The following TNKS variants were observed in gnomAD, a reference collection of about 807,000 sequenced individuals.
The protein encoded by TNKS is tankyrase, also known as poly [ADP-ribose] polymerase tankyrase-1.
In TNKS, 72 loss-of-function variants were observed where a neutral mutation model predicts 135.8. The ratio of observed to expected loss-of-function variants is 0.53; its 90% CI spans 0.44 to 0.64. The LOEUF (loss-of-function observed/expected upper bound fraction) is 0.64. Ranked by LOEUF, TNKS falls within the 30% of genes least tolerant of loss-of-function variation. The pLI, the probability that TNKS is intolerant of heterozygous loss-of-function variation, is 0.00. For synonymous variants in TNKS, 849 were observed against 649.3 expected (o/e 1.31, Z -4.68); for missense variants, 1,769 against 1,674.0 (o/e 1.06, Z -0.99).
At chr8:9,586,856 C>T (rs974884341) in intron 2 of TNKS, among the ~76,000 whole-genome samples, 3 of 151,668 alleles carry the variant, frequency 2.0e-5, no homozygotes, top group South Asian at 2.1e-4. Flanking sequence ...GAAGACTTTG[C>T]TCCTCTTAGA....
intron 3 of TNKS, among the ~76,000 whole-genome samples, chr8:9,674,269 A>G (rs574100107): frequency 1.3e-5 from 2 of 152,318 alleles, no homozygotes; most frequent in East Asian, 3.9e-4. Flanking sequence ...TCTGTGAAGC[A>G]TGAAGTGGTT....
chr8:9,629,721 C>T (rs184500177), intron 3 of TNKS, among the ~76,000 whole-genome samples: 128 of 152,324 alleles, frequency 8.4e-4, no homozygotes, highest in African/African-American at 2.8e-3. Flanking sequence ...CTCGCTCTGT[C>T]GCCCAGGCTG....
chr8:9,735,164 C>G, intron 16 of TNKS, 80 bp downstream of exon 16: 1 of 1,414,646 alleles, frequency 7.1e-7, no homozygotes, highest in South Asian at 1.4e-5. Flanking sequence ...GAAAGCCATG[C>G]TGAACACAAA....
chr8:9,717,072 A>ATATATATATATATATAT (rs376229840), intron 11 of TNKS, among the ~76,000 whole-genome samples: 1,678 of 79,306 alleles, frequency 0.021, 254 homozygotes, highest in Non-Finnish European at 0.023. Context: ...GTTGTATTAT[A>ATATATATATATATATAT]ATATATATAT....
At chr8:9,740,823 G>GTTTTTTTTTTTTTTTTTTTTTTTTTT (rs565849400) in intron 17 of TNKS, 2 of 60,496 alleles carry the variant, frequency 3.3e-5, no homozygotes, top group Non-Finnish European at 3.7e-5. Flanking sequence ...TGTAATTCTT[G>GTTTTTTTTTTTTTTTTTTTTTTTTTT]TTGTTTTTTT....
chr8:9,663,741 T>C lies in TNKS; in HGVS notation c.995-16210T>C, dbSNP rs78636926. ...ACTCAGGAAGATATGTTTACCAGTT[T>C]ATTATAAAGGAATTACAAAGGCTGC... On this transcript the variant is annotated intron_variant, in intron 3 of 26. Transcript: ENST00000310430. 4.9e-3 allele frequency among the ~76,000 whole-genome samples: 744 copies of C among 152,280 alleles called. 37 individuals carry two copies. The East Asian group carries it at 0.12, about 24-fold the overall frequency.
At position 9,710,170 on chromosome 8, in the gene TNKS, G is replaced by A. The variant is rs1159327551; in HGVS notation, c.1699G>A (p.Glu567Lys). ...DFMTPLHVAA[E>K]RAHNDVMEVL... ...CATGACTCCCCTGCATGTTGCAGCC[G>A]AAAGAGCCCATAATGATGTCATGGA... The change falls in exon 11 of 27, where the codon GAA becomes AAA. Residue 567 changes from glutamate (E) to lysine (K), a missense_variant. Glu to Lys is a moderately conservative substitution (Grantham distance 56). Around this residue, in one of 5 missense-constraint regions of TNKS, gnomAD observed 523 missense variants for 541.0 expected, o/e 0.97. Coordinates refer to ENST00000310430, the MANE Select transcript of TNKS (RefSeq NM_003747.3). The A allele has an allele frequency of 6.2e-6, 10 of 1,614,138 alleles. No individual in the cohort carries two copies. Among genetic ancestry groups the A allele is most frequent in the East Asian group, 2.2e-5 (1 of 44,886 alleles).
intron 3 of TNKS, among the ~76,000 whole-genome samples, chr8:9,639,799 G>A (rs1800655023): frequency 6.6e-6 from 1 of 152,032 alleles, no homozygotes; most frequent in South Asian, 2.1e-4. Context: ...GAAGCAAAAG[G>A]GCTTCTTTGA....
intron 12 of TNKS, among the ~76,000 whole-genome samples, chr8:9,724,924 C>T (rs1200061621): frequency 6.6e-6 from 1 of 152,000 alleles, no homozygotes; most frequent in African/African-American, 2.4e-5. Flanking sequence ...TAAATGTATC[C>T]TTAAAGTGCT....
chr8:9,674,369 C>G (rs538102759), intron 3 of TNKS, among the ~76,000 whole-genome samples: 6 of 151,772 alleles, frequency 4.0e-5, no homozygotes, highest in Non-Finnish European at 7.4e-5. Context: ...TCACATGTTT[C>G]ATGGTAATGA....
intron 3 of TNKS, among the ~76,000 whole-genome samples, chr8:9,671,547 G>A (rs770846742): frequency 3.3e-5 from 5 of 152,078 alleles, no homozygotes; most frequent in Non-Finnish European, 5.9e-5. Context: ...ATGGCATTCC[G>A]TAAAATAAAA....
In TNKS at chr8:9,556,048, C is replaced by T. The variant is rs991807277; in HGVS notation, c.109C>T (p.Pro37Ser). 6.2e-6 allele frequency: 10 copies of T among 1,610,360 alleles called. No homozygotes were observed. In the African/African-American group the frequency reaches 1.3e-4, roughly 22 times the overall value. The change falls in exon 1 of 27, where the codon CCT becomes TCT. Residue 37 changes from proline (P) to serine (S), a missense_variant. Transcript: ENST00000310430. ...GCCGCCACCTCCTCCCCCACTCAGC[C>T]CTGGCCTGGCCCCGGGGACCACCCC... is the stretch of plus-strand genomic sequence containing the variant. ...PPPPPPPPLS[P>S]GLAPGTTPAS...
At chr8:9,709,657 G>A (rs1336146513) in intron 9 of TNKS, among the ~76,000 whole-genome samples, 10 of 152,250 alleles carry the variant, frequency 6.6e-5, no homozygotes, top group Non-Finnish European at 7.4e-5. Context: ...AGAGGCATAC[G>A]TATTATGATG....
intron 11 of TNKS, among the ~76,000 whole-genome samples, chr8:9,715,100 A>C (rs931703306): frequency 2.0e-5 from 3 of 152,164 alleles, no homozygotes; most frequent in Admixed American, 2.0e-4. Flanking sequence ...AGGAGTATGA[A>C]GAAGGAGCAG....
At chr8:9,749,404 A>C (rs1585413282) in intron 18 of TNKS, among the ~76,000 whole-genome samples, 1 of 151,750 alleles carries the variant, frequency 6.6e-6, no homozygotes, top group Non-Finnish European at 1.5e-5. Context: ...ATCCCTGATT[A>C]GGGCCCAGTT....
chr8:9,718,032 G>C (rs895162572), intron 11 of TNKS, among the ~76,000 whole-genome samples: 5 of 150,506 alleles, frequency 3.3e-5, no homozygotes, highest in African/African-American at 1.2e-4. Context: ...TTATTAGTTA[G>C]TCCAAAAGGT....
chr8:9,720,334 A>G, intron 11 of TNKS, 40 bp from the exon 12 acceptor site: 1 of 1,511,154 alleles, frequency 6.6e-7, no homozygotes, highest in Non-Finnish European at 8.9e-7. Flanking sequence ...GAAACTAAAC[A>G]AGATGCTCAA....
chr8:9,755,096 T>C (rs990315292), intron 20 of TNKS, among the ~76,000 whole-genome samples: 2 of 152,218 alleles, frequency 1.3e-5, no homozygotes, highest in Non-Finnish European at 2.9e-5. Context: ...CTGATGAAAG[T>C]TTTCTAAAGA....
chr8:9,750,398 G>C (rs938524601), intron 18 of TNKS, among the ~76,000 whole-genome samples: 4 of 152,144 alleles, frequency 2.6e-5, no homozygotes, highest in Non-Finnish European at 5.9e-5. Context: ...ACCTTATCAT[G>C]GGCAGATAAA....
Sources: gnomAD v4.1 joint callset for allele counts (sites outside exome capture counted in the v4.1 genomes callset) on GRCh38, gnomAD v4.1.1 for gene constraint, gnomAD v4.1.1 regional missense constraint, MANE v1.5 for transcripts, NCBI Gene and HGNC (gene_info 2026-07-23, HGNC 2026-07-21) for gene names.